KLF8: variants seen among roughly 807,000 people sequenced by gnomAD.
KLF8 encodes KLF transcription factor 8, also known as Krueppel-like factor 8.
Under a neutral mutation model 18.2 loss-of-function variants are expected in KLF8, and 10 were observed. The observed-to-expected ratio is 0.55, with a 90% CI of 0.34 to 0.93. The LOEUF (loss-of-function observed/expected upper bound fraction) is 0.93. Among genes scored for constraint, KLF8 ranks in the 40% least tolerant of loss-of-function variants. KLF8 has a pLI of 0.02. For missense variants in KLF8, 264 were observed against 277.9 expected, an observed-to-expected ratio of 0.95 and a Z score of 0.36; for synonymous variants, 109 against 97.3, an observed-to-expected ratio of 1.12 and a Z score of -0.71.
chrX:56,188,216 T>A, the KLF8 span, among the ~76,000 whole-genome samples: 2 of 111,260 alleles, frequency 1.8e-5, no homozygotes, highest in Admixed American at 1.9e-4. Context: ...CACATTCTTA[T>A]ACACCAATAA....
chrX:56,040,885 G>A, the KLF8 span, among the ~76,000 whole-genome samples: 1 of 20,428 alleles, frequency 4.9e-5, no homozygotes, highest in African/African-American at 2.3e-4. Flanking sequence ...CTGGTCTTGG[G>A]CTTTTTTTTT....
At chrX:55,972,905 C>T in the KLF8 span, among the ~76,000 whole-genome samples, 1 of 111,776 alleles carries the variant, frequency 8.9e-6, no homozygotes, top group Non-Finnish European at 1.9e-5. Flanking sequence ...CCTGAATAGC[C>T]AAAGGAATTC....
chrX:56,079,032 T>G, the KLF8 span, among the ~76,000 whole-genome samples: 3 of 111,650 alleles, frequency 2.7e-5, no homozygotes, highest in Non-Finnish European at 3.8e-5. Flanking sequence ...TTCTTCTCTC[T>G]TTTCTTCTTT....
At chrX:55,913,153 A>T in the KLF8 span, among the ~76,000 whole-genome samples, 1 of 111,884 alleles carries the variant, frequency 8.9e-6, no homozygotes, top group African/African-American at 3.2e-5. Flanking sequence ...TTACTTAATG[A>T]TCTGTCATGT....
the KLF8 span, among the ~76,000 whole-genome samples, chrX:56,058,280 A>ATATATATGTG: frequency 1.6e-4 from 1 of 6,392 alleles, no homozygotes; most frequent in African/African-American, 2.2e-4. Flanking sequence ...ATATATATAC[A>ATATATATGTG]TATATATATA....
the KLF8 span, among the ~76,000 whole-genome samples, chrX:55,969,999 CATTT>C: frequency 9.0e-6 from 1 of 110,877 alleles, no homozygotes; most frequent in South Asian, 3.8e-4. Flanking sequence ...TTGTACCAAA[CATTT>C]AAAGAAGCAC....
At chrX:56,183,858 C>T in the KLF8 span, among the ~76,000 whole-genome samples, 18 of 111,210 alleles carry the variant, frequency 1.6e-4, no homozygotes, top group Non-Finnish European at 3.4e-4. Context: ...GAAAACGGCT[C>T]AATGGATAAA....
At chrX:56,165,595 G>A in the KLF8 span, among the ~76,000 whole-genome samples, 74 of 111,999 alleles carry the variant, frequency 6.6e-4, no homozygotes, top group Non-Finnish European at 4.1e-4. Context: ...GTCTGGGCAC[G>A]GTGGCTCATG....
chrX:56,202,968 G>A, the KLF8 span, among the ~76,000 whole-genome samples: 1 of 110,754 alleles, frequency 9.0e-6, no homozygotes, highest in Non-Finnish European at 1.9e-5. Context: ...GGATCTTATG[G>A]TAGCTCTGTT....
chrX:55,956,993 C>T, the KLF8 span, among the ~76,000 whole-genome samples: 1 of 110,843 alleles, frequency 9.0e-6, no homozygotes, highest in African/African-American at 3.3e-5. Flanking sequence ...ATGAAACTTT[C>T]CCCCAGTGTT....
At chrX:56,091,791 A>G in the KLF8 span, among the ~76,000 whole-genome samples, 1 of 111,957 alleles carries the variant, frequency 8.9e-6, no homozygotes, top group South Asian at 3.7e-4. Flanking sequence ...CATCGTGCCT[A>G]GCTGATATAA....
chrX:56,052,558 G>C, the KLF8 span, among the ~76,000 whole-genome samples: 2 of 111,791 alleles, frequency 1.8e-5, no homozygotes, highest in Non-Finnish European at 3.8e-5. Context: ...CTGCTGGGGG[G>C]TGCGTCCCAG....
At chrX:56,091,852 A>T in the KLF8 span, among the ~76,000 whole-genome samples, 1 of 111,807 alleles carries the variant, frequency 8.9e-6, no homozygotes, top group Non-Finnish European at 1.9e-5. Context: ...GCTAGATTGA[A>T]TGCTAGTTCC....
At chrX:55,987,183 T>TC in the KLF8 span, among the ~76,000 whole-genome samples, 50 of 109,063 alleles carry the variant, frequency 4.6e-4, no homozygotes, top group African/African-American at 1.4e-3. Context: ...TGAAGTTTCT[T>TC]TTTTTTTTTC....
the KLF8 span, among the ~76,000 whole-genome samples, chrX:56,082,343 C>CT: frequency 4.7e-4 from 51 of 108,887 alleles, 1 homozygote; most frequent in African/African-American, 1.3e-3. Context: ...TGTGTCTTCT[C>CT]TTTTTTTTTA....
At chrX:56,007,967 ATT>A in the KLF8 span, among the ~76,000 whole-genome samples, 1 of 110,443 alleles carries the variant, frequency 9.1e-6, no homozygotes, top group Non-Finnish European at 1.9e-5. Context: ...AAAAAATGTG[ATT>A]TTTTTATTAA....
the KLF8 span, among the ~76,000 whole-genome samples, chrX:56,110,296 G>A: frequency 9.0e-6 from 1 of 110,771 alleles, no homozygotes; most frequent in South Asian, 3.8e-4. Flanking sequence ...CTCACTTTTG[G>A]TTACTATTTG....
chrX:56,198,745 A>G, the KLF8 span, among the ~76,000 whole-genome samples: 2 of 112,216 alleles, frequency 1.8e-5, no homozygotes, highest in African/African-American at 6.5e-5. Flanking sequence ...ACTACTTTGA[A>G]GTCCATATGA....
At chrX:55,912,902 T>C in the KLF8 span, among the ~76,000 whole-genome samples, 138 of 111,793 alleles carry the variant, frequency 1.2e-3, no homozygotes, top group Admixed American at 2.0e-3. Flanking sequence ...TTAAGGAACT[T>C]GGGGCACAGC....
Sources: gnomAD v4.1 joint callset for allele counts (sites outside exome capture counted in the v4.1 genomes callset) on GRCh38, gnomAD v4.1.1 for gene constraint, MANE v1.5 for transcripts, NCBI Gene and HGNC (gene_info 2026-07-23, HGNC 2026-07-21) for gene names.